Variants in PTCHD4 observed in about 807,000 individuals in gnomAD.
The protein encoded by PTCHD4 is patched domain containing 4.
A neutral mutation model predicts 58.1 loss-of-function variants in PTCHD4; 33 were observed. That is an observed-to-expected ratio of 0.57 (90% CI 0.43 to 0.76). PTCHD4 has a LOEUF of 0.76. Ranked by LOEUF, PTCHD4 falls within the 30% of genes least tolerant of loss-of-function variation. The pLI is 0.00. For synonymous variants in PTCHD4, 478 were observed against 409.6 expected, an observed-to-expected ratio of 1.17 and a Z score of -2.02; for missense variants, 1,058 against 1,027.1, an observed-to-expected ratio of 1.03 and a Z score of -0.41.
chr6:47,977,908 G>T (rs1054185049), intron 4 of PTCHD4, among the ~76,000 whole-genome samples: 1 of 151,962 alleles, frequency 6.6e-6, no homozygotes, highest in East Asian at 1.9e-4. Context: ...TAGAATTTCC[G>T]TGCCCTCTCG....
chr6:48,035,212 G>A (rs569318346), intron 3 of PTCHD4, among the ~76,000 whole-genome samples: 3 of 152,034 alleles, frequency 2.0e-5, no homozygotes, highest in East Asian at 3.9e-4. Flanking sequence ...ATTGAAACAC[G>A]TACTTGGAAG....
chr6:47,935,615 C>T (rs950464427), intron 4 of PTCHD4, among the ~76,000 whole-genome samples: 1 of 152,046 alleles, frequency 6.6e-6, no homozygotes, highest in Admixed American at 6.6e-5. Flanking sequence ...CTTGTTATTG[C>T]TTTAAACACA....
At chr6:47,965,424 C>G (rs1034661734) in intron 4 of PTCHD4, among the ~76,000 whole-genome samples, 3 of 152,086 alleles carry the variant, frequency 2.0e-5, no homozygotes, top group Non-Finnish European at 4.4e-5. Flanking sequence ...CCAAAGTATT[C>G]TCTTTAAAAA....
Position 48,068,601 on chromosome 6 carries a change from G to T in PTCHD4, c.46C>A (p.Leu16Met). The T allele has an allele frequency of 6.3e-7, 1 of 1,577,466 alleles. No homozygotes were observed. The highest frequency in any genetic ancestry group is 1.1e-5 in the South Asian group (1 of 87,536). ...AGCCCTCTGCGAAGCACCTGCCGCA[G>T]CATCCTCCACCAGATCCAGCTCGCA... ...APASWIWWRM[L>M]RQVLRRGLQS... The change falls in exon 3 of 5, where the codon CTG becomes ATG. Residue 16 changes from leucine to methionine, a missense_variant. By Grantham distance (15) the Leu-to-Met change is conservative (BLOSUM62 2). Transcript: ENST00000339488. This position sits in a 1 kb window ranked among gnomAD's most constrained non-coding sequence, Gnocchi z 4.2.
rs1047964802 is a variant in PTCHD4 at position 47,858,146 on chromosome 6, T to C, written c.*20157A>G. 3.9e-5 allele frequency among the ~76,000 whole-genome samples: 6 copies of C among 152,010 alleles called. No individual in the cohort carries two copies. Among genetic ancestry groups the C allele is most frequent in the Admixed American group, 2.6e-4 (4 of 15,234 alleles). ...GGAAAGTGTTTGGTTAGAAATTATA[T>C]AGCAAGTGAGAGCTCTGAATGAATA... On this transcript the variant is annotated 3_prime_UTR_variant, in exon 5 of 5. Coordinates refer to ENST00000339488, the MANE Select transcript of PTCHD4 (RefSeq NM_001384253.1).
rs374266965 is a variant in PTCHD4 at position 47,964,879 on chromosome 6, T to G, written c.898+43755A>C. On this transcript the variant is annotated intron_variant, in intron 4 of 4. Coordinates refer to ENST00000339488, the MANE Select transcript of PTCHD4 (RefSeq NM_001384253.1). The stretch of plus-strand genomic sequence containing the variant: ...AGTTGAAATAACATTTTATTTTCTA[T>G]GAAGTATGTCATTGCTCTTTTGGAC... Among the ~76,000 whole-genome samples the G allele has an allele frequency of 1.2e-4, 18 of 152,266 alleles. No homozygotes were observed. In the East Asian group the frequency reaches 1.7e-3, roughly 15 times the overall value.
At chr6:48,004,723 C>A (rs997842776) in intron 4 of PTCHD4, among the ~76,000 whole-genome samples, 2 of 152,200 alleles carry the variant, frequency 1.3e-5, no homozygotes, top group African/African-American at 2.4e-5. Context: ...TTGAGACCAG[C>A]CTGGCCAACA....
At chr6:47,971,717 A>G (rs548975178) in intron 4 of PTCHD4, among the ~76,000 whole-genome samples, 3 of 152,336 alleles carry the variant, frequency 2.0e-5, no homozygotes, top group Admixed American at 6.5e-5. Context: ...ACTCCATGTA[A>G]ACAAGAAGAC....
intron 4 of PTCHD4, among the ~76,000 whole-genome samples, chr6:47,967,057 C>G (rs1054970424): frequency 6.6e-6 from 1 of 152,106 alleles, no homozygotes; most frequent in Non-Finnish European, 1.5e-5. Flanking sequence ...TTTACTTTGC[C>G]CAGATTCATC....
intron 1 of PTCHD4, among the ~76,000 whole-genome samples, chr6:48,104,634 C>A (rs1582143419): frequency 6.6e-6 from 1 of 152,100 alleles, no homozygotes; most frequent in African/African-American, 2.4e-5. Context: ...GCTAAATGCT[C>A]CAATTAAAAG....
At position 47,863,764 on chromosome 6, in the gene PTCHD4, G is replaced by A. The variant is rs993614430; in HGVS notation, c.*14539C>T. Among the ~76,000 whole-genome samples the A allele has an allele frequency of 2.0e-5, 3 of 151,762 alleles. No individual in the cohort carries two copies. The highest frequency in any genetic ancestry group is 4.4e-5 in the Non-Finnish European group (3 of 67,888). On this transcript the variant is annotated 3_prime_UTR_variant, in exon 5 of 5. Transcript: ENST00000339488. The stretch of plus-strand genomic sequence containing the variant: ...AATGACACATTCTTTTATACTCTAC[G>A]CCTTGGTTCCATGTTCCTAAATTTT...
intron 4 of PTCHD4, among the ~76,000 whole-genome samples, chr6:47,962,196 A>T (rs1006317612): frequency 3.3e-5 from 5 of 151,448 alleles, no homozygotes; most frequent in African/African-American, 4.9e-5. Context: ...TTTATACCAC[A>T]AAAAAAATTC....
At chr6:47,941,505 G>A (rs1055736984) in intron 4 of PTCHD4, among the ~76,000 whole-genome samples, 2 of 152,206 alleles carry the variant, frequency 1.3e-5, no homozygotes, top group African/African-American at 2.4e-5. Flanking sequence ...GAGAATATGA[G>A]TTGGGAGACA....
At chr6:47,896,626 T>C (rs1444355958) in intron 4 of PTCHD4, among the ~76,000 whole-genome samples, 1 of 152,218 alleles carries the variant, frequency 6.6e-6, no homozygotes, top group African/African-American at 2.4e-5. Context: ...TAGTTTTTTA[T>C]TTCTTTGGGT....
At chr6:48,109,759 A>G (rs537446525) in intron 1 of PTCHD4, among the ~76,000 whole-genome samples, 97 of 152,262 alleles carry the variant, frequency 6.4e-4, no homozygotes, top group African/African-American at 2.3e-3. Flanking sequence ...AGATTTTAAA[A>G]TGAGCACAGG....
chr6:47,903,921 G>A (rs1416091873), intron 4 of PTCHD4, among the ~76,000 whole-genome samples: 2 of 152,200 alleles, frequency 1.3e-5, no homozygotes, highest in African/African-American at 4.8e-5. Context: ...TTTAGAAGAT[G>A]GCCTGAAAGA....
intron 3 of PTCHD4, among the ~76,000 whole-genome samples, chr6:48,020,622 G>T (rs928947934): frequency 6.6e-6 from 1 of 152,020 alleles, no homozygotes; most frequent in East Asian, 1.9e-4. Flanking sequence ...CAAATAAAGG[G>T]AGGATAAAGT....
At chr6:48,024,953 C>T (rs1463145562) in intron 3 of PTCHD4, among the ~76,000 whole-genome samples, 1 of 152,216 alleles carries the variant, frequency 6.6e-6, no homozygotes, top group Non-Finnish European at 1.5e-5. Context: ...CATGATTCTA[C>T]ATCACACGGT....
chr6:48,109,735 A>C (rs1179242650), intron 1 of PTCHD4, among the ~76,000 whole-genome samples: 1 of 152,050 alleles, frequency 6.6e-6, no homozygotes, highest in Non-Finnish European at 1.5e-5. Context: ...CAAAAAACAA[A>C]ACCACAAATA....
Sources: gnomAD v4.1 joint callset for allele counts (sites outside exome capture counted in the v4.1 genomes callset) on GRCh38, gnomAD v4.1.1 for gene constraint, Gnocchi (gnomAD v3.1) non-coding constraint, MANE v1.5 for transcripts, NCBI Gene and HGNC (gene_info 2026-07-23, HGNC 2026-07-21) for gene names.